Variants in TTC34 observed in about 807,000 individuals in gnomAD.
The protein encoded by TTC34 is tetratricopeptide repeat domain 34.
A neutral mutation model predicts 40.7 loss-of-function variants in TTC34; 44 were observed. The ratio of observed to expected loss-of-function variants is 1.08; its 90% CI spans 0.85 to 1.39. The LOEUF is 1.39. Among genes scored for constraint, TTC34 ranks in the 40% most tolerant of loss-of-function variants. The pLI is 0.00. For synonymous variants in TTC34, 422 were observed against 398.6 expected (o/e 1.06, Z -0.70); for missense variants, 884 against 838.0 (o/e 1.05, Z -0.68).
intron 6 of TTC34, among the ~76,000 whole-genome samples, chr1:2,768,037 C>T: frequency 6.6e-6 from 1 of 151,352 alleles, no homozygotes; most frequent in Non-Finnish European, 1.5e-5. Flanking sequence ...TAAAACAGCA[C>T]CCCACAACCC....
At chr1:2,792,634 C>T (rs1643675468) in intron 2 of TTC34, among the ~76,000 whole-genome samples, 1 of 152,166 alleles carries the variant, frequency 6.6e-6, no homozygotes, top group African/African-American at 2.4e-5. Flanking sequence ...GCTTCCAGTG[C>T]CTGTTCTTTC....
chr1:2,753,081 A>AGCAGC (rs1641378817), intron 6 of TTC34, among the ~76,000 whole-genome samples: 1 of 148,354 alleles, frequency 6.7e-6, no homozygotes, highest in Non-Finnish European at 1.5e-5. Context: ...GACAGCCTGG[A>AGCAGC]ACGGCAACCA....
At position 2,752,981 on chromosome 1, in the gene TTC34, G is replaced by C. The variant is rs1274143863; in HGVS notation, c.2226+30628C>G. Reference sequence around the variant, plus strand: ...CCTGGAGCAACACCCATACCCCCAGGTGAGCATCTGACCGCATGGAATGGC... The same window carrying C: ...CCTGGAGCAACACCCATACCCCCAGCTGAGCATCTGACCGCATGGAATGGC... On this transcript the variant is annotated intron_variant, in intron 6 of 8. Transcript: ENST00000401095. Among the ~76,000 whole-genome samples the C allele has an allele frequency of 3.1e-4, 43 of 139,556 alleles. 1 individual carries two copies. In the South Asian group the frequency reaches 0.01, roughly 33 times the overall value. The allele number at this position is 139,556 out of a possible 152,430, so 91.6% of individuals were successfully genotyped here.
At chr1:2,755,830 G>A (rs1641486995) in intron 6 of TTC34, among the ~76,000 whole-genome samples, 2 of 102,150 alleles carry the variant, frequency 2.0e-5, no homozygotes, top group Non-Finnish European at 3.7e-5. Flanking sequence ...ACAACCACAG[G>A]TGAGCATCCG....
chr1:2,653,191 G>T (rs71518241), intron 6 of TTC34, among the ~76,000 whole-genome samples: 4 of 151,964 alleles, frequency 2.6e-5, no homozygotes, highest in African/African-American at 9.7e-5. Context: ...CTGACAGCCT[G>T]GAACAGAACC....
At chr1:2,675,487 GGTGAGCATCTGACA>G (rs1639875147) in intron 6 of TTC34, among the ~76,000 whole-genome samples, 1 of 47,624 alleles carries the variant, frequency 2.1e-5, no homozygotes, top group Non-Finnish European at 5.0e-5. Context: ...CACACTCCCA[GGTGAGCATCTGACA>G]GCCTGCAACA....
At chr1:2,682,158 G>C (rs1310848559) in intron 6 of TTC34, among the ~76,000 whole-genome samples, 5 of 139,944 alleles carry the variant, frequency 3.6e-5, no homozygotes, top group Non-Finnish European at 6.3e-5. Context: ...CCCCAGGTGA[G>C]CATCCGACAG....
chr1:2,686,748 GAAC>G (rs1640372324), intron 6 of TTC34, among the ~76,000 whole-genome samples: 1 of 142,112 alleles, frequency 7.0e-6, no homozygotes, highest in Non-Finnish European at 1.5e-5. Flanking sequence ...TGACAGCCTG[GAAC>G]GGCACCCACA....
intron 6 of TTC34, among the ~76,000 whole-genome samples, chr1:2,773,229 C>T (rs1642591221): frequency 7.5e-6 from 1 of 132,696 alleles, no homozygotes; most frequent in Non-Finnish European, 1.7e-5. Context: ...CCCGGGCGAG[C>T]ATCTGACAGC....
chr1:2,792,799 G>A (rs118111348), intron 2 of TTC34, among the ~76,000 whole-genome samples: 2,092 of 152,272 alleles, frequency 0.014, 23 homozygotes, highest in Admixed American at 0.024. Flanking sequence ...GCCCTGAACT[G>A]TCCTGTGCTA....
intron 6 of TTC34, among the ~76,000 whole-genome samples, chr1:2,650,364 G>A (rs867611750): frequency 6.6e-5 from 10 of 151,534 alleles, no homozygotes; most frequent in Non-Finnish European, 1.0e-4. Context: ...TGACAGCCTG[G>A]AATGGCACTC....
chr1:2,755,645 C>G lies in TTC34; in HGVS notation c.2226+27964G>C, dbSNP rs1229270855. On this transcript the variant is annotated intron_variant, in intron 6 of 8. Coordinates refer to ENST00000401095, the Ensembl canonical transcript of TTC34. ...CACACCCAGGTGCGCATCTGATGGT[C>G]TGGAGCAGCACCCACAACCACAGGT... 2.4e-5 allele frequency among the ~76,000 whole-genome samples: 3 copies of G among 125,420 alleles called. 1 individual carries two copies. The highest frequency in any genetic ancestry group is 4.9e-5 in the Non-Finnish European group (3 of 61,728). The allele number at this position is 125,420 out of a possible 152,430, so 82.3% of individuals were successfully genotyped here. A position where few individuals can be genotyped will look rare whatever the true frequency, so the allele number is the denominator to read the frequency against.
At chr1:2,700,769 A>AC (rs1199134106) in intron 6 of TTC34, among the ~76,000 whole-genome samples, 2 of 72,894 alleles carry the variant, frequency 2.7e-5, no homozygotes, top group South Asian at 5.1e-4. Flanking sequence ...GCCTGGAAAC[A>AC]CCCCACTGCT....
chr1:2,699,013 C>T (rs547916131), intron 6 of TTC34, among the ~76,000 whole-genome samples: 3 of 144,622 alleles, frequency 2.1e-5, no homozygotes, highest in South Asian at 4.4e-4. Context: ...ACCCACACCA[C>T]CAGGTGAGCA....
exon 9 of TTC34, chr1:2,641,059 G>A (rs1638889158): frequency 6.5e-6 from 1 of 153,992 alleles, no homozygotes; most frequent in Non-Finnish European, 1.1e-5. Flanking sequence ...GCTGGGAAGG[G>A]AGGTATGGGG....
intron 6 of TTC34, among the ~76,000 whole-genome samples, chr1:2,681,841 G>C (rs1570800296): frequency 1.6e-5 from 2 of 121,378 alleles, no homozygotes; most frequent in South Asian, 2.8e-4. Flanking sequence ...GTGAGCATCT[G>C]ACAGCCTGGA....
At chr1:2,649,105 G>T (rs1373114016) in intron 6 of TTC34, among the ~76,000 whole-genome samples, 3 of 151,040 alleles carry the variant, frequency 2.0e-5, no homozygotes, top group Admixed American at 2.0e-4. Context: ...GCATCTTCCA[G>T]CCTGAAACAG....
Position 2,699,983 on chromosome 1 carries a change from G to C in TTC34, c.2227-54420C>G, listed in dbSNP as rs376065649. On this transcript the variant is annotated intron_variant, in intron 6 of 8. Coordinates refer to ENST00000401095, the Ensembl canonical transcript of TTC34. ...GAGAAATGCTCACACCCCAAGGTGAGCATCTGACAGCCTGGAGCAGCGTCC... is the reference window on the plus strand; with the variant it reads ...GAGAAATGCTCACACCCCAAGGTGACCATCTGACAGCCTGGAGCAGCGTCC... 5.6e-5 allele frequency among the ~76,000 whole-genome samples: 6 copies of C among 107,360 alleles called. 1 individual carries two copies. Among genetic ancestry groups the C allele is most frequent in the Admixed American group, 4.1e-4 (4 of 9,796 alleles). The allele number at this position is 107,360 out of a possible 152,430, so 70.4% of individuals were successfully genotyped here.
At chr1:2,801,156 C>T (rs1569983112) in intron 1 of TTC34, among the ~76,000 whole-genome samples, 1 of 152,180 alleles carries the variant, frequency 6.6e-6, no homozygotes, top group South Asian at 2.1e-4. Context: ...CATCTGACCC[C>T]TGAGTGTCCA....
Sources: gnomAD v4.1 joint callset for allele counts (sites outside exome capture counted in the v4.1 genomes callset) on GRCh38, gnomAD v4.1.1 for gene constraint, MANE v1.5 for transcripts, NCBI Gene and HGNC (gene_info 2026-07-23, HGNC 2026-07-21) for gene names.